Variants in MCPH1 observed in about 807,000 individuals in gnomAD.
The protein encoded by MCPH1 is microcephalin.
A neutral mutation model predicts 84.5 loss-of-function variants in MCPH1; 104 were observed. The ratio of observed to expected loss-of-function variants is 1.23; its 90% CI spans 1.05 to 1.45. The LOEUF (loss-of-function observed/expected upper bound fraction) is 1.45. Among genes scored for constraint, MCPH1 ranks in the 40% most tolerant of loss-of-function variants. MCPH1 has a pLI of 0.00. For synonymous variants in MCPH1, 514 were observed against 366.8 expected (o/e 1.40, Z -4.58); for missense variants, 1,498 against 1,005.7 (o/e 1.49, Z -6.62).
At chr8:6,408,649 C>G (rs1419844234) in intron 1 of MCPH1, among the ~76,000 whole-genome samples, 1 of 151,626 alleles carries the variant, frequency 6.6e-6, no homozygotes, top group Non-Finnish European at 1.5e-5. Flanking sequence ...TCTCCCACCT[C>G]AGCTTCTCCA....
chr8:6,555,099 A>G (rs907365854), intron 12 of MCPH1, among the ~76,000 whole-genome samples: 1 of 152,138 alleles, frequency 6.6e-6, no homozygotes, highest in Non-Finnish European at 1.5e-5. Context: ...ATTCTAAACC[A>G]CTACCCATGA....
chr8:6,637,678 A>G (rs916346672), intron 13 of MCPH1, among the ~76,000 whole-genome samples: 1 of 152,092 alleles, frequency 6.6e-6, no homozygotes, highest in Non-Finnish European at 1.5e-5. Flanking sequence ...GTTTTAATGG[A>G]TACAGAGTCT....
intron 11 of MCPH1, among the ~76,000 whole-genome samples, chr8:6,488,277 T>C (rs1305810437): frequency 1.3e-5 from 2 of 152,248 alleles, no homozygotes; most frequent in African/African-American, 4.8e-5. Context: ...GGAGCCGCTG[T>C]GCTTCCCAGG....
chr8:6,554,830 A>G (rs1824309429), intron 12 of MCPH1, among the ~76,000 whole-genome samples: 1 of 152,168 alleles, frequency 6.6e-6, no homozygotes, highest in Non-Finnish European at 1.5e-5. Flanking sequence ...TGGTTGCAGG[A>G]GGGGCTCTGG....
chr8:6,639,265 G>C (rs1296409778), intron 13 of MCPH1, among the ~76,000 whole-genome samples: 3 of 152,190 alleles, frequency 2.0e-5, no homozygotes, highest in Non-Finnish European at 4.4e-5. Flanking sequence ...AACTCAAACA[G>C]TAGACAAGTA....
intron 11 of MCPH1, among the ~76,000 whole-genome samples, chr8:6,486,573 T>C (rs1477148584): frequency 6.6e-6 from 1 of 152,216 alleles, no homozygotes; most frequent in Non-Finnish European, 1.5e-5. Flanking sequence ...AGTTTGAATT[T>C]TGACTTAATA....
chr8:6,625,426 C>G lies in MCPH1; in HGVS notation c.2452+3735C>G, dbSNP rs545220880. 7.4e-5 allele frequency: 73 copies of G among 985,388 alleles called. No individual in the cohort carries two copies. In the African/African-American group the frequency reaches 1.2e-3, roughly 16 times the overall value. The allele number at this position is 985,388 out of a possible 1,614,324, so 61.0% of individuals were successfully genotyped here. A position where few individuals can be genotyped will look rare whatever the true frequency, so the allele number is the denominator to read the frequency against. On this transcript the variant is annotated intron_variant, in intron 13 of 13. Transcript: ENST00000344683. ...TTCCTCCCGTTCATTTCCATTATAA[C>G]AAATGCTTCTCTGGACAATGTTTCA...
intron 3 of MCPH1, among the ~76,000 whole-genome samples, chr8:6,425,822 C>T (rs983879077): frequency 6.6e-6 from 1 of 152,182 alleles, no homozygotes; most frequent in African/African-American, 2.4e-5. Flanking sequence ...TGTGAGGCTT[C>T]TCATGAGCTG....
In MCPH1 at chr8:6,444,961, T is replaced by C; in HGVS notation, c.1239T>C (p.Asp413=). The C allele has an allele frequency of 1.2e-5, 20 of 1,614,130 alleles. No homozygotes were observed. The highest frequency in any genetic ancestry group is 1.7e-5 in the Non-Finnish European group (20 of 1,179,990). ...TTAGCTGTGGGGAGTCTTCATATGA[T>C]GACTATTTTTCACCTGATAATCTTA... ...EALSCGESSY[D]DYFSPDNLKE... The change falls in exon 8 of 14, where the codon GAT becomes GAC. Residue 413 remains aspartate, a synonymous_variant. Transcript: ENST00000344683.
At chr8:6,553,884 G>A (rs952813098) in intron 12 of MCPH1, among the ~76,000 whole-genome samples, 1 of 152,018 alleles carries the variant, frequency 6.6e-6, no homozygotes, top group African/African-American at 2.4e-5. Flanking sequence ...ACTTCATGGC[G>A]TATTTTCGCC....
chr8:6,428,138 T>A (rs1801334791), intron 3 of MCPH1, among the ~76,000 whole-genome samples: 1 of 152,184 alleles, frequency 6.6e-6, no homozygotes, highest in South Asian at 2.1e-4. Context: ...TGATAAACTT[T>A]GTAATTTTTT....
intron 12 of MCPH1, among the ~76,000 whole-genome samples, chr8:6,578,626 C>A (rs1470897313): frequency 6.6e-6 from 1 of 152,136 alleles, no homozygotes; most frequent in Non-Finnish European, 1.5e-5. Context: ...AATAGAAGAA[C>A]TAGAATAAGT....
At chr8:6,450,985 G>C (rs545100520) in intron 8 of MCPH1, among the ~76,000 whole-genome samples, 3 of 152,304 alleles carry the variant, frequency 2.0e-5, no homozygotes, top group African/African-American at 7.2e-5. Context: ...TGGGATTACA[G>C]TTGTGAGCCA....
intron 12 of MCPH1, among the ~76,000 whole-genome samples, chr8:6,611,130 TCACACACA>T (rs138053875): frequency 6.7e-6 from 1 of 149,738 alleles, no homozygotes; most frequent in Non-Finnish European, 1.5e-5. Context: ...ACACACACAC[TCACACACA>T]CACACACACA....
intron 9 of MCPH1, chr8:6,473,708 A>C (rs562556573): frequency 2.5e-6 from 1 of 407,622 alleles, no homozygotes; most frequent in East Asian, 3.7e-5. Flanking sequence ...AAACATAGGC[A>C]TAAACCTTTA....
At chr8:6,470,282 T>G (rs1199165148) in intron 9 of MCPH1, among the ~76,000 whole-genome samples, 13 of 152,144 alleles carry the variant, frequency 8.5e-5, no homozygotes, top group Admixed American at 4.6e-4. Context: ...TTGGGGTTTT[T>G]TTTATTTTTT....
intron 3 of MCPH1, among the ~76,000 whole-genome samples, chr8:6,417,402 A>G (rs1459111623): frequency 4.2e-5 from 1 of 23,872 alleles, no homozygotes; most frequent in African/African-American, 5.4e-5. Context: ...GTGGCAGCAA[A>G]CTTTACTTAT....
At chr8:6,440,061 A>T (rs150215135) in intron 6 of MCPH1, among the ~76,000 whole-genome samples, 2 of 152,310 alleles carry the variant, frequency 1.3e-5, no homozygotes, top group Admixed American at 1.3e-4. Flanking sequence ...TTATTTACTT[A>T]AGAGTATCCT....
intron 4 of MCPH1, among the ~76,000 whole-genome samples, chr8:6,434,567 C>G (rs1481825258): frequency 6.6e-6 from 1 of 152,202 alleles, no homozygotes; most frequent in Non-Finnish European, 1.5e-5. Context: ...TCATTCCTTA[C>G]CAGCATACAA....
Sources: gnomAD v4.1 joint callset for allele counts (sites outside exome capture counted in the v4.1 genomes callset) on GRCh38, gnomAD v4.1.1 for gene constraint, MANE v1.5 for transcripts, NCBI Gene and HGNC (gene_info 2026-07-23, HGNC 2026-07-21) for gene names.